The following KCNH7 variants were observed in gnomAD, a reference collection of about 807,000 sequenced individuals.
The protein encoded by KCNH7 is potassium voltage-gated channel subfamily H member 7, also known as voltage-gated inwardly rectifying potassium channel KCNH7.
KCNH7 carries 49 observed loss-of-function variants against 120.8 expected under a neutral mutation model. That is an observed-to-expected ratio of 0.41 (90% CI 0.32 to 0.51). KCNH7 has a LOEUF of 0.51. Among genes scored for constraint, KCNH7 ranks in the 20% least tolerant of loss-of-function variants. KCNH7 has a pLI of 0.38. For synonymous variants in KCNH7, 547 were observed against 516.1 expected (o/e 1.06, Z -0.81); for missense variants, 1,097 against 1,446.6 (o/e 0.76, Z 3.92).
At chr2:162,655,826 C>T (rs528287377) in intron 2 of KCNH7, among the ~76,000 whole-genome samples, 3 of 152,156 alleles carry the variant, frequency 2.0e-5, no homozygotes, top group African/African-American at 7.2e-5. Flanking sequence ...TTATTGTGGT[C>T]ATATTTTGAG....
chr2:162,452,654 A>T (rs1417519719), intron 6 of KCNH7, among the ~76,000 whole-genome samples: 1 of 152,042 alleles, frequency 6.6e-6, no homozygotes, highest in Non-Finnish European at 1.5e-5. Context: ...TACATTGCTC[A>T]TTAAGTTAGA....
At chr2:162,413,086 T>C (rs990485930) in intron 9 of KCNH7, among the ~76,000 whole-genome samples, 1 of 152,116 alleles carries the variant, frequency 6.6e-6, no homozygotes, top group Admixed American at 6.6e-5. Flanking sequence ...CCACCTACCT[T>C]ACCAGATATT....
At chr2:162,592,020 C>G (rs1257615598) in intron 2 of KCNH7, among the ~76,000 whole-genome samples, 1 of 152,010 alleles carries the variant, frequency 6.6e-6, no homozygotes. Context: ...GAAATTCAAT[C>G]CTCTTTTATT....
intron 2 of KCNH7, among the ~76,000 whole-genome samples, chr2:162,554,845 C>A (rs1215133285): frequency 6.6e-6 from 1 of 152,146 alleles, no homozygotes; most frequent in Non-Finnish European, 1.5e-5. Context: ...TGTAAGGTAA[C>A]GTATTCACAG....
At chr2:162,755,255 G>A (rs778349485) in intron 2 of KCNH7, among the ~76,000 whole-genome samples, 8 of 152,026 alleles carry the variant, frequency 5.3e-5, no homozygotes, top group Non-Finnish European at 1.0e-4. Context: ...ATTACCTGAG[G>A]TCAAGGAGAT....
intron 2 of KCNH7, among the ~76,000 whole-genome samples, chr2:162,759,074 C>G (rs961202741): frequency 6.6e-6 from 1 of 152,078 alleles, no homozygotes; most frequent in African/African-American, 2.4e-5. Flanking sequence ...CACTCTTTCC[C>G]AGATGGGTAG....
chr2:162,426,272 TTA>T (rs1687861581), intron 8 of KCNH7, among the ~76,000 whole-genome samples: 1 of 151,748 alleles, frequency 6.6e-6, no homozygotes, highest in African/African-American at 2.4e-5. Flanking sequence ...AATTCTGTGA[TTA>T]TGACTTTTAA....
intron 6 of KCNH7, among the ~76,000 whole-genome samples, chr2:162,479,159 A>AG (rs1405511208): frequency 4.0e-5 from 6 of 151,176 alleles, no homozygotes; most frequent in Admixed American, 3.9e-4. Context: ...AAAAAAAAAA[A>AG]GAATGTGAAA....
In KCNH7 at chr2:162,632,116, A is replaced by G. The variant is rs201668966; in HGVS notation, c.308-95036T>C. Among the ~76,000 whole-genome samples, 29 of 152,164 alleles carry G rather than the reference A, an allele frequency of 1.9e-4. No homozygotes were observed. In the East Asian group the frequency reaches 5.2e-3, roughly 27 times the overall value. On this transcript the variant is annotated intron_variant, in intron 2 of 15. Transcript: ENST00000332142. Reference sequence around the variant, plus strand: ...GTATTTGGAGATAAGGTTATATAATAGGCAAATCCACATTAATCAACTGAA... The same window carrying G: ...GTATTTGGAGATAAGGTTATATAATGGGCAAATCCACATTAATCAACTGAA...
intron 2 of KCNH7, among the ~76,000 whole-genome samples, chr2:162,587,495 G>A (rs911548655): frequency 4.6e-5 from 7 of 151,940 alleles, no homozygotes; most frequent in Non-Finnish European, 7.4e-5. Context: ...TTATTGTGAA[G>A]CCTCTGTCCT....
intron 2 of KCNH7, among the ~76,000 whole-genome samples, chr2:162,709,078 A>G (rs1253216904): frequency 2.6e-5 from 4 of 151,928 alleles, no homozygotes; most frequent in Non-Finnish European, 5.9e-5. Flanking sequence ...AGTTGTTGTA[A>G]CCCTACTATG....
chr2:162,646,707 T>C (rs889637481), intron 2 of KCNH7, among the ~76,000 whole-genome samples: 7 of 152,096 alleles, frequency 4.6e-5, no homozygotes, highest in Non-Finnish European at 7.3e-5. Context: ...ATGTGGGTGA[T>C]TTCTAGGAGC....
chr2:162,499,711 C>A (rs562970632), intron 6 of KCNH7, among the ~76,000 whole-genome samples: 104 of 152,050 alleles, frequency 6.8e-4, no homozygotes, highest in Admixed American at 1.2e-3. Flanking sequence ...CCACGCAATA[C>A]CCTCAGTGGT....
chr2:162,602,601 C>T (rs1001205166), intron 2 of KCNH7, among the ~76,000 whole-genome samples: 4 of 152,088 alleles, frequency 2.6e-5, no homozygotes, highest in Non-Finnish European at 4.4e-5. Context: ...ATCACTGCTT[C>T]ACTTTATTCA....
intron 4 of KCNH7, among the ~76,000 whole-genome samples, chr2:162,516,650 T>C (rs537556144): frequency 6.6e-6 from 1 of 151,810 alleles, no homozygotes; most frequent in South Asian, 2.1e-4. Flanking sequence ...ACCAAATCTA[T>C]GGGAATCTGG....
chr2:162,701,168 T>C (rs1233832470), intron 2 of KCNH7, among the ~76,000 whole-genome samples: 4 of 152,004 alleles, frequency 2.6e-5, no homozygotes, highest in Non-Finnish European at 5.9e-5. Flanking sequence ...ACAAGAAAAA[T>C]AAAGCTATTT....
chr2:162,390,220 A>G (rs1238277828), intron 12 of KCNH7, among the ~76,000 whole-genome samples: 1 of 151,588 alleles, frequency 6.6e-6, no homozygotes, highest in African/African-American at 2.4e-5. Context: ...ACATAAATGT[A>G]TGTGTGTAGT....
intron 2 of KCNH7, among the ~76,000 whole-genome samples, chr2:162,782,621 T>A (rs1014951489): frequency 1.3e-5 from 2 of 152,320 alleles, no homozygotes; most frequent in Admixed American, 1.3e-4. Flanking sequence ...GAACTTTGGC[T>A]TTAATAATGA....
intron 2 of KCNH7, among the ~76,000 whole-genome samples, chr2:162,569,771 C>T (rs1467749687): frequency 6.7e-6 from 1 of 150,032 alleles, no homozygotes; most frequent in African/African-American, 2.5e-5. Flanking sequence ...TTATTTCTGC[C>T]TTCATTTCGT....
Sources: gnomAD v4.1 joint callset for allele counts (sites outside exome capture counted in the v4.1 genomes callset) on GRCh38, gnomAD v4.1.1 for gene constraint, MANE v1.5 for transcripts, NCBI Gene and HGNC (gene_info 2026-07-23, HGNC 2026-07-21) for gene names.